NOX5: variants seen among roughly 807,000 people sequenced by gnomAD.
The protein encoded by NOX5 is NADPH oxidase 5.
Under a neutral mutation model 85.7 loss-of-function variants are expected in NOX5, and 76 were observed. The ratio of observed to expected loss-of-function variants is 0.89; its 90% confidence interval spans 0.74 to 1.07. The LOEUF (loss-of-function observed/expected upper bound fraction) is 1.07, where lower values mean the gene tolerates loss of function less well. NOX5 is among the 50% of genes least tolerant of loss of function. The pLI, the probability that NOX5 is intolerant of heterozygous loss-of-function variation, is 0.00. For missense variants in NOX5, 973 were observed against 999.5 expected (o/e 0.97, Z 0.36); for synonymous variants, 405 against 401.4 (o/e 1.01, Z -0.11).
chr15:69,026,842 CA>C (rs1332763681), intron 2 of NOX5, among the ~76,000 whole-genome samples, 191 bp downstream of exon 2: 1 of 152,198 alleles, frequency 6.6e-6, no homozygotes, highest in Non-Finnish European at 1.5e-5. Flanking sequence ...GTCTTCAACA[CA>C]TGAAGTTGGA....
chr15:69,033,019 G>T lies in NOX5; in HGVS notation c.621-24G>T, dbSNP rs1284841177. 6 of 1,536,618 alleles carry T rather than the reference G, an allele frequency of 3.9e-6. No homozygotes were observed. In the East Asian group the frequency reaches 1.2e-4, roughly 31 times the overall value. ...GGTCCCCGCCCCACCGCTCGCCTCT[G>T]AGCGGAACCCGCCTCTCTCGCAGCG... On this transcript the variant is annotated intron_variant, in intron 4 of 15. Coordinates refer to ENST00000388866, the MANE Select transcript of NOX5 (RefSeq NM_024505.4).
intron 3 of NOX5, chr15:69,028,825 G>A (rs1210442480): frequency 2.9e-5 from 4 of 136,442 alleles, no homozygotes; most frequent in South Asian, 2.4e-4. Flanking sequence ...ACATACACAC[G>A]CCACACACCT....
chr15:69,016,976 T>C (rs945697339), intron 1 of NOX5, among the ~76,000 whole-genome samples: 6 of 152,072 alleles, frequency 3.9e-5, no homozygotes, highest in African/African-American at 1.4e-4. Context: ...CATGCCTCAT[T>C]ATACTCTCCT....
intron 14 of NOX5, among the ~76,000 whole-genome samples, chr15:69,051,473 G>A (rs1462932397): frequency 3.3e-5 from 5 of 151,658 alleles, no homozygotes; most frequent in East Asian, 1.9e-4. Flanking sequence ...TCTGCCTCCC[G>A]GGCTCAAGCG....
chr15:69,037,844 G>A (rs2050541883), intron 8 of NOX5: 1 of 152,602 alleles, frequency 6.6e-6, no homozygotes, highest in Non-Finnish European at 1.5e-5. Flanking sequence ...GAGAGGTGAG[G>A]AAGGCCTGAT....
intron 1 of NOX5, among the ~76,000 whole-genome samples, chr15:69,026,054 T>A (rs1038766448): frequency 2.0e-5 from 3 of 152,222 alleles, no homozygotes; most frequent in African/African-American, 7.2e-5. Context: ...TTTAGCTAAG[T>A]TACCTAATTG....
chr15:69,039,098 A>G (rs1567101864), intron 9 of NOX5, 109 bp downstream of exon 9: 1 of 1,268,494 alleles, frequency 7.9e-7, no homozygotes, highest in East Asian at 2.3e-5. Flanking sequence ...CCAGAAACAC[A>G]AAGTCAGCCT....
chr15:69,023,661 C>T (rs1471601764), intron 1 of NOX5: 2 of 182,008 alleles, frequency 1.1e-5, no homozygotes, highest in African/African-American at 4.8e-5. Context: ...TGTTACCAAG[C>T]ATTATATTTA....
At chr15:69,026,787 GT>G in intron 2 of NOX5, 136 bp downstream of exon 2, 2 of 1,169,124 alleles carry the variant, frequency 1.7e-6, no homozygotes, top group Non-Finnish European at 2.4e-6. Flanking sequence ...CTGGCGGGAT[GT>G]TTATGGCACC....
intron 5 of NOX5, among the ~76,000 whole-genome samples, chr15:69,034,441 C>T (rs1468005746): frequency 6.6e-6 from 1 of 152,160 alleles, no homozygotes; most frequent in Non-Finnish European, 1.5e-5. Context: ...GATTCATTTT[C>T]TTGGTCACTT....
At chr15:69,042,386 T>A (rs1465322386) in intron 9 of NOX5, among the ~76,000 whole-genome samples, 1 of 152,162 alleles carries the variant, frequency 6.6e-6, no homozygotes, top group African/African-American at 2.4e-5. Context: ...CTTTAGAAAA[T>A]TCCTAGTGAG....
chr15:69,041,548 G>A (rs1176729285), intron 9 of NOX5, among the ~76,000 whole-genome samples: 4 of 152,178 alleles, frequency 2.6e-5, no homozygotes, highest in African/African-American at 9.7e-5. Context: ...ATGCCTTTCT[G>A]TATGTTACAG....
Position 69,056,641 on chromosome 15 carries a change from T to C in NOX5, c.2243T>C (p.Val748Ala). The part of the protein sequence containing the change: ...FFCGSPALAK[V>A]LKGHCEKFGF... ...TGTGGCTCCCCAGCTCTGGCCAAGG[T>C]GCTGAAGGGCCATTGTGAGAAGTTC... The change falls in exon 16 of 16, where the codon GTG becomes GCG. Residue 748 changes from valine to alanine, a missense_variant. Coordinates refer to ENST00000388866, the MANE Select transcript of NOX5 (RefSeq NM_024505.4). 6.2e-7 allele frequency: 1 copy of C among 1,613,780 alleles called. No homozygotes were observed. Among genetic ancestry groups the C allele is most frequent in the Non-Finnish European group, 8.5e-7 (1 of 1,180,022 alleles).
intron 6 of NOX5, 116 bp from the exon 7 acceptor site, chr15:69,035,642 G>T: frequency 6.4e-7 from 1 of 1,556,390 alleles, no homozygotes; most frequent in South Asian, 1.2e-5. Flanking sequence ...CAACGCTCTG[G>T]ACAAAAGTTT....
chr15:69,021,811 A>G (rs2050298667), intron 1 of NOX5, among the ~76,000 whole-genome samples: 1 of 151,968 alleles, frequency 6.6e-6, no homozygotes, highest in South Asian at 2.1e-4. Context: ...TCTCTCTTTT[A>G]TCCTTAATCA....
chr15:69,043,114 G>A (rs1329696204), intron 10 of NOX5, among the ~76,000 whole-genome samples: 1 of 152,060 alleles, frequency 6.6e-6, no homozygotes, highest in Non-Finnish European at 1.5e-5. Flanking sequence ...TGTGGGCTTG[G>A]GCATGTCTTT....
chr15:69,049,314 C>T (rs1362691207), intron 14 of NOX5, among the ~76,000 whole-genome samples: 2 of 151,896 alleles, frequency 1.3e-5, no homozygotes, highest in East Asian at 1.9e-4. Flanking sequence ...CCTTGGCCTC[C>T]AGAGCAGCTG....
In NOX5 at chr15:69,062,600, C is replaced by T. The variant is rs2050881167; in HGVS notation, c.*5904C>T. 6.6e-6 allele frequency: 1 copy of T among 152,228 alleles called. No homozygotes were observed. Among genetic ancestry groups the T allele is most frequent in the Non-Finnish European group, 1.5e-5 (1 of 68,054 alleles). The allele number at this position is 152,228 out of a possible 1,614,324, so 9.4% of individuals were successfully genotyped here. On this transcript the variant is annotated 3_prime_UTR_variant, in exon 16 of 16. Coordinates refer to ENST00000388866, the MANE Select transcript of NOX5 (RefSeq NM_024505.4). ...TCCCCCAGGACACTGTGCAGCTTCG[C>T]ACCTCCAAGCCTTTGCTTCTGCATC...
intron 2 of NOX5, among the ~76,000 whole-genome samples, chr15:69,027,322 T>A (rs577014455): frequency 1.3e-5 from 2 of 152,112 alleles, no homozygotes; most frequent in South Asian, 4.1e-4. Context: ...AATGATACAA[T>A]CCCATCCAAA....
Sources: gnomAD v4.1 joint callset for allele counts (sites outside exome capture counted in the v4.1 genomes callset) on GRCh38, gnomAD v4.1.1 for gene constraint, MANE v1.5 for transcripts, NCBI Gene and HGNC (gene_info 2026-07-23, HGNC 2026-07-21) for gene names.